Variants in ASIC2 observed in about 807,000 individuals in gnomAD.
The protein encoded by ASIC2 is acid-sensing ion channel 2.
ASIC2 carries 25 observed loss-of-function variants against 57.3 expected under a neutral mutation model. The ratio of observed to expected loss-of-function variants is 0.44; its 90% confidence interval spans 0.32 to 0.61. The LOEUF (loss-of-function observed/expected upper bound fraction) is 0.61, where lower values mean the gene tolerates loss of function less well. ASIC2 is among the 20% of genes least tolerant of loss of function. The pLI is 0.06. For missense variants in ASIC2, 641 were observed against 738.1 expected, an observed-to-expected ratio of 0.87 and a Z score of 1.52; for synonymous variants, 319 against 307.5, an observed-to-expected ratio of 1.04 and a Z score of -0.39.
At chr17:33,501,562 G>A (rs1390424847) in intron 1 of ASIC2, among the ~76,000 whole-genome samples, 3 of 152,192 alleles carry the variant, frequency 2.0e-5, no homozygotes, top group South Asian at 4.1e-4. Flanking sequence ...TTAAATAAAT[G>A]TTTCCTAAAA....
chr17:33,221,545 C>A (rs541386627), intron 1 of ASIC2, among the ~76,000 whole-genome samples: 11 of 152,208 alleles, frequency 7.2e-5, no homozygotes, highest in African/African-American at 2.6e-4. Context: ...TCTGCTCCTA[C>A]CTGGCACTGA....
intron 1 of ASIC2, among the ~76,000 whole-genome samples, chr17:33,198,307 G>A (rs112900876): frequency 0.023 from 3,523 of 152,268 alleles, 137 homozygotes; most frequent in African/African-American, 0.075. Context: ...AGCCATGTTT[G>A]CACCACTGCA....
chr17:33,358,430 A>G (rs540309882), intron 1 of ASIC2, among the ~76,000 whole-genome samples: 4 of 152,342 alleles, frequency 2.6e-5, no homozygotes, highest in African/African-American at 7.2e-5. Context: ...CTATGGATTT[A>G]GAGTCCCTTG....
intron 1 of ASIC2, among the ~76,000 whole-genome samples, chr17:33,816,968 T>A (rs879717763): frequency 1.2e-4 from 18 of 152,386 alleles, no homozygotes; most frequent in Middle Eastern, 3.4e-3. Flanking sequence ...GTCTGCCGCC[T>A]GCCTGCCCTC....
chr17:33,427,745 C>T (rs1457640520), intron 1 of ASIC2, among the ~76,000 whole-genome samples: 4 of 152,218 alleles, frequency 2.6e-5, no homozygotes, highest in Non-Finnish European at 4.4e-5. Flanking sequence ...TGGTATGGAG[C>T]TAGCCTTGAA....
intron 1 of ASIC2, among the ~76,000 whole-genome samples, chr17:34,105,668 A>T (rs913718896): frequency 6.6e-6 from 1 of 151,928 alleles, no homozygotes; most frequent in Non-Finnish European, 1.5e-5. Flanking sequence ...GACAGTTATT[A>T]AAAAAATAAA....
At chr17:33,971,165 G>C (rs183689811) in intron 1 of ASIC2, among the ~76,000 whole-genome samples, 6 of 152,306 alleles carry the variant, frequency 3.9e-5, no homozygotes, top group African/African-American at 1.4e-4. Context: ...TACAGAAGCC[G>C]GCTGAGCACA....
At chr17:33,866,752 G>T (rs1294249894) in intron 1 of ASIC2, among the ~76,000 whole-genome samples, 3 of 152,172 alleles carry the variant, frequency 2.0e-5, no homozygotes, top group Non-Finnish European at 2.9e-5. Context: ...GAGTGAGGAA[G>T]TGGGGTCCAG....
At chr17:33,405,937 C>A (rs571614529) in intron 1 of ASIC2, among the ~76,000 whole-genome samples, 12 of 152,256 alleles carry the variant, frequency 7.9e-5, no homozygotes, top group African/African-American at 2.9e-4. Context: ...CCTGCCAGCC[C>A]GAGCCTGCGA....
At chr17:33,841,379 TC>T (rs1329059331) in intron 1 of ASIC2, among the ~76,000 whole-genome samples, 1 of 152,196 alleles carries the variant, frequency 6.6e-6, no homozygotes, top group Non-Finnish European at 1.5e-5. Context: ...ATTTTTTTTT[TC>T]AATAAAAGTC....
chr17:33,406,525 A>G (rs747646567), intron 1 of ASIC2, among the ~76,000 whole-genome samples: 2 of 152,182 alleles, frequency 1.3e-5, no homozygotes, highest in African/African-American at 2.4e-5. Context: ...TTGCTCTCTT[A>G]TTAGCTGTGT....
At chr17:33,931,363 T>C (rs1915927856) in intron 1 of ASIC2, 1 of 152,182 alleles carries the variant, frequency 6.6e-6, no homozygotes, top group Non-Finnish European at 1.5e-5. Flanking sequence ...TGCTTTTCCA[T>C]ACAATGTCTG....
intron 1 of ASIC2, among the ~76,000 whole-genome samples, chr17:33,492,891 C>T (rs1913805082): frequency 6.6e-6 from 1 of 152,188 alleles, no homozygotes; most frequent in Non-Finnish European, 1.5e-5. Context: ...ACATAGCCTG[C>T]GTGGATGTGG....
At chr17:33,799,501 T>A (rs138770789) in intron 1 of ASIC2, among the ~76,000 whole-genome samples, 3 of 136,476 alleles carry the variant, frequency 2.2e-5, no homozygotes, top group African/African-American at 8.3e-5. Flanking sequence ...TTTCTTACTT[T>A]CTTTCTTTCT....
intron 1 of ASIC2, among the ~76,000 whole-genome samples, chr17:33,840,676 G>T (rs896488190): frequency 1.3e-5 from 2 of 152,122 alleles, no homozygotes; most frequent in Non-Finnish European, 2.9e-5. Flanking sequence ...GTAAGCTTTT[G>T]TTCAATCCTA....
chr17:33,659,956 C>T (rs181571556), intron 1 of ASIC2, among the ~76,000 whole-genome samples: 15 of 151,782 alleles, frequency 9.9e-5, no homozygotes, highest in East Asian at 3.9e-4. Flanking sequence ...TGTTGGCGCA[C>T]GCCTATAGTC....
At chr17:33,876,883 C>T (rs71379424) in intron 1 of ASIC2, among the ~76,000 whole-genome samples, 414 of 152,302 alleles carry the variant, frequency 2.7e-3, no homozygotes, top group African/African-American at 9.4e-3. Context: ...CCGTGCATTA[C>T]GGATGGAATC....
chr17:33,568,494 G>A (rs1916320278), intron 1 of ASIC2, among the ~76,000 whole-genome samples: 2 of 152,112 alleles, frequency 1.3e-5, no homozygotes, highest in Admixed American at 6.5e-5. Flanking sequence ...TCTGCCTGGT[G>A]TGTTCTTGTC....
At chr17:33,134,674 G>T (rs1472416913) in intron 1 of ASIC2, among the ~76,000 whole-genome samples, 1 of 152,356 alleles carries the variant, frequency 6.6e-6, no homozygotes, top group Non-Finnish European at 1.5e-5. Flanking sequence ...ACGCAGCACT[G>T]GTTGTCCTGC....
Sources: gnomAD v4.1 joint callset for allele counts (sites outside exome capture counted in the v4.1 genomes callset) on GRCh38, gnomAD v4.1.1 for gene constraint, MANE v1.5 for transcripts, NCBI Gene and HGNC (gene_info 2026-07-23, HGNC 2026-07-21) for gene names.